Variants in COL25A1 observed in about 807,000 individuals in gnomAD.
The protein encoded by COL25A1 is collagen alpha-1(XXV) chain.
A neutral mutation model predicts 128.4 loss-of-function variants in COL25A1; 103 were observed. That is an observed-to-expected ratio of 0.80 (90% CI 0.68 to 0.94). The LOEUF (loss-of-function observed/expected upper bound fraction) is 0.94, where lower values mean the gene tolerates loss of function less well. Ranked by LOEUF, COL25A1 falls within the 40% of genes least tolerant of loss-of-function variation. The pLI is 0.00. For synonymous variants in COL25A1, 279 were observed against 277.2 expected, an observed-to-expected ratio of 1.01 and a Z score of -0.06; for missense variants, 745 against 840.0, an observed-to-expected ratio of 0.89 and a Z score of 1.40.
At chr4:109,231,257 A>ATTGTTAT (rs1779149426) in intron 3 of COL25A1, among the ~76,000 whole-genome samples, 1 of 152,202 alleles carries the variant, frequency 6.6e-6, no homozygotes, top group Non-Finnish European at 1.5e-5. Context: ...ACTCATAACA[A>ATTGTTAT]TTGTTATTAC....
intron 3 of COL25A1, among the ~76,000 whole-genome samples, chr4:109,139,228 C>T (rs1436032624): frequency 6.6e-6 from 1 of 152,088 alleles, no homozygotes; most frequent in Non-Finnish European, 1.5e-5. Context: ...TGGATATTAG[C>T]CCTTTGTCAG....
At chr4:108,887,350 C>T (rs578169976) in intron 18 of COL25A1, among the ~76,000 whole-genome samples, 31 of 152,232 alleles carry the variant, frequency 2.0e-4, no homozygotes, top group African/African-American at 6.3e-4. Flanking sequence ...TCTCTTGAAG[C>T]GATTCTGTAC....
intron 5 of COL25A1, chr4:109,022,322 A>G (rs890510810): frequency 2.9e-6 from 1 of 339,374 alleles, no homozygotes; most frequent in Middle Eastern, 1.1e-3. Flanking sequence ...TTCACGATCC[A>G]TGATATCAAC....
At chr4:109,046,811 G>A (rs147500909) in intron 5 of COL25A1, among the ~76,000 whole-genome samples, 1 of 152,288 alleles carries the variant, frequency 6.6e-6, no homozygotes, top group East Asian at 1.9e-4. Context: ...AGTTGCCAAC[G>A]TGGAGTCTGC....
chr4:109,087,755 A>T (rs1271987125), intron 3 of COL25A1, among the ~76,000 whole-genome samples: 1 of 152,160 alleles, frequency 6.6e-6, no homozygotes, highest in Non-Finnish European at 1.5e-5. Flanking sequence ...TTCTTCAAAA[A>T]TTTATTGCTT....
At chr4:108,858,090 CA>C (rs940671688) in intron 24 of COL25A1, among the ~76,000 whole-genome samples, 3 of 151,946 alleles carry the variant, frequency 2.0e-5, no homozygotes, top group African/African-American at 7.2e-5. Context: ...ATGATTATAT[CA>C]GGGGGAATTC....
intron 3 of COL25A1, among the ~76,000 whole-genome samples, chr4:109,056,548 T>C (rs79315167): frequency 0.099 from 14,986 of 151,542 alleles, 915 homozygotes; most frequent in African/African-American, 0.16. Flanking sequence ...TAATTCCACA[T>C]AAAATTTATA....
At chr4:108,948,589 T>C (rs1749046406) in intron 8 of COL25A1, among the ~76,000 whole-genome samples, 1 of 152,262 alleles carries the variant, frequency 6.6e-6, no homozygotes, top group East Asian at 1.9e-4. Flanking sequence ...ACAAGTTATT[T>C]GAATATATTT....
intron 5 of COL25A1, among the ~76,000 whole-genome samples, chr4:109,012,822 C>A (rs1330831303): frequency 6.6e-6 from 1 of 152,212 alleles, no homozygotes; most frequent in East Asian, 1.9e-4. Flanking sequence ...CCGCAGCACC[C>A]AGTCCCATCG....
At chr4:109,271,114 C>T (rs1405076748) in intron 3 of COL25A1, among the ~76,000 whole-genome samples, 2 of 152,148 alleles carry the variant, frequency 1.3e-5, no homozygotes, top group Non-Finnish European at 2.9e-5. Context: ...ACCACTGCTG[C>T]CTCAATGGAA....
At chr4:108,859,965 TA>T (rs138386690) in intron 23 of COL25A1, among the ~76,000 whole-genome samples, 1 of 152,172 alleles carries the variant, frequency 6.6e-6, no homozygotes, top group South Asian at 2.1e-4. Flanking sequence ...TGAAATCTGA[TA>T]AAAAATACGA....
intron 19 of COL25A1, among the ~76,000 whole-genome samples, chr4:108,875,850 G>A (rs1033449335): frequency 6.6e-5 from 10 of 152,124 alleles, no homozygotes; most frequent in African/African-American, 2.4e-4. Flanking sequence ...AAGAAAATGT[G>A]GCACATATAC....
chr4:109,070,112 A>C (rs547045717), intron 3 of COL25A1, among the ~76,000 whole-genome samples: 104 of 151,918 alleles, frequency 6.8e-4, no homozygotes, highest in Non-Finnish European at 1.2e-3. Flanking sequence ...AAAAAAAACT[A>C]GCCGGGCATG....
At chr4:108,813,959 A>G (rs146239497) in intron 37 of COL25A1, 30 bp from the exon 38 acceptor site, 2 of 1,553,478 alleles carry the variant, frequency 1.3e-6, no homozygotes, top group Non-Finnish European at 1.8e-6. Context: ...AAAGACAAAT[A>G]CATGGAATTA....
intron 5 of COL25A1, among the ~76,000 whole-genome samples, chr4:109,017,050 C>T (rs571659629): frequency 7.4e-4 from 112 of 152,372 alleles, no homozygotes; most frequent in African/African-American, 2.5e-3. Context: ...AGGGCTGTGA[C>T]TCCCTCTTCG....
intron 3 of COL25A1, among the ~76,000 whole-genome samples, chr4:109,102,503 T>G (rs1022589431): frequency 6.6e-6 from 1 of 152,272 alleles, no homozygotes; most frequent in South Asian, 2.1e-4. Context: ...TAATGTCAAT[T>G]AAATCAAGTT....
At chr4:109,264,830 T>C (rs1291649168) in intron 3 of COL25A1, among the ~76,000 whole-genome samples, 2 of 152,166 alleles carry the variant, frequency 1.3e-5, no homozygotes, top group Non-Finnish European at 2.9e-5. Flanking sequence ...TTCCCACCAA[T>C]AAGGACCATG....
chr4:108,900,372 T>C (rs1243566355), intron 14 of COL25A1, among the ~76,000 whole-genome samples: 1 of 152,176 alleles, frequency 6.6e-6, no homozygotes, highest in Non-Finnish European at 1.5e-5. Context: ...CGCCTGTCAA[T>C]AGCAAATGAT....
chr4:108,945,692 T>G (rs1328359227), intron 8 of COL25A1, among the ~76,000 whole-genome samples: 1 of 152,094 alleles, frequency 6.6e-6, no homozygotes, highest in Non-Finnish European at 1.5e-5. Context: ...TGAGATGGAG[T>G]CTGGCTCTTC....
Sources: gnomAD v4.1 joint callset for allele counts (sites outside exome capture counted in the v4.1 genomes callset) on GRCh38, gnomAD v4.1.1 for gene constraint, MANE v1.5 for transcripts, NCBI Gene and HGNC (gene_info 2026-07-23, HGNC 2026-07-21) for gene names.